The following GRIA2 variants were observed in gnomAD, a reference collection of about 807,000 sequenced individuals.
GRIA2 encodes the protein glutamate receptor 2.
GRIA2 carries 14 observed loss-of-function variants against 97.3 expected under a neutral mutation model. That is an observed-to-expected ratio of 0.14 (90% CI 0.10 to 0.23). GRIA2 has a LOEUF of 0.23. Ranked by LOEUF, GRIA2 falls within the 10% of genes least tolerant of loss-of-function variation. The pLI is 1.00. For missense variants in GRIA2, 558 were observed against 1,069.8 expected (o/e 0.52, Z 6.67); for synonymous variants, 412 against 387.8 (o/e 1.06, Z -0.73).
At chr4:157,339,044 A>G (rs1287043235) in intron 11 of GRIA2, among the ~76,000 whole-genome samples, 1 of 151,978 alleles carries the variant, frequency 6.6e-6, no homozygotes, top group Non-Finnish European at 1.5e-5. Context: ...GTTGTAATCT[A>G]GAGTTATTTA....
At chr4:157,313,139 T>C (rs1734159310) in intron 4 of GRIA2, among the ~76,000 whole-genome samples, 1 of 152,160 alleles carries the variant, frequency 6.6e-6, no homozygotes, top group African/African-American at 2.4e-5. Context: ...TGATAAATGT[T>C]ACCCTAAACT....
At chr4:157,347,501 T>C (rs1735813194) in intron 12 of GRIA2, among the ~76,000 whole-genome samples, 1 of 152,194 alleles carries the variant, frequency 6.6e-6, no homozygotes, top group African/African-American at 2.4e-5. Flanking sequence ...GTTAAAACAA[T>C]ACAGAAGTGA....
At chr4:157,332,757 TG>T in intron 6 of GRIA2, 61 bp from the exon 7 acceptor site, 2 of 1,239,724 alleles carry the variant, frequency 1.6e-6, no homozygotes, top group Non-Finnish European at 2.3e-6. Flanking sequence ...TCTTGATTGC[TG>T]GGGTGCAGTG....
intron 10 of GRIA2, 32 bp downstream of exon 10, chr4:157,335,909 T>C: frequency 7.2e-7 from 1 of 1,386,196 alleles, no homozygotes; most frequent in Non-Finnish European, 1.0e-6. Flanking sequence ...GATAAAGTCA[T>C]TCAATTTGAA....
At chr4:157,294,824 C>A (rs1369819160) in intron 2 of GRIA2, among the ~76,000 whole-genome samples, 3 of 152,084 alleles carry the variant, frequency 2.0e-5, no homozygotes, top group Non-Finnish European at 4.4e-5. Flanking sequence ...CAGCCTGGCA[C>A]TCTTTATCCA....
At chr4:157,221,606 C>A in intron 1 of GRIA2, 61 bp from the exon 2 acceptor site, 2 of 1,562,052 alleles carry the variant, frequency 1.3e-6, no homozygotes, top group East Asian at 2.3e-5. Flanking sequence ...CTAGCGCGCG[C>A]CCCTCCTTTC....
intron 3 of GRIA2, among the ~76,000 whole-genome samples, chr4:157,307,361 C>CTT: frequency 1.3e-5 from 2 of 152,282 alleles, no homozygotes; most frequent in Middle Eastern, 3.4e-3. Flanking sequence ...ATAGAAACAT[C>CTT]TTTGTATAGC....
At position 157,364,081 on chromosome 4, in the gene GRIA2, A is replaced by G. The variant is rs1467809206; in HGVS notation, c.*650A>G. The G allele has an allele frequency of 6.6e-6, 1 of 152,604 alleles. No homozygotes were observed. Among genetic ancestry groups the G allele is most frequent in the African/African-American group, 2.4e-5 (1 of 41,446 alleles). 9.5% of individuals were successfully genotyped at this position (152,604 alleles called of 1,614,324 possible). ...AAACAATTAAACTGAGTGGGAAGTG[A>G]ATAAAAAAAGGCTTTAGGTATCGAT... is the stretch of plus-strand genomic sequence containing the variant. On this transcript the variant is annotated 3_prime_UTR_variant, in exon 16 of 16. Coordinates refer to ENST00000264426, the MANE Select transcript of GRIA2 (RefSeq NM_001083619.3).
intron 12 of GRIA2, among the ~76,000 whole-genome samples, chr4:157,357,315 T>A (rs1397900813): frequency 6.6e-6 from 1 of 152,156 alleles, no homozygotes; most frequent in Non-Finnish European, 1.5e-5. Flanking sequence ...CTATGAGTTA[T>A]CTTATTTGTC....
At position 157,261,564 on chromosome 4, in the gene GRIA2, G is replaced by T. The variant is rs79681260; in HGVS notation, c.229+39757G>T. On this transcript the variant is annotated intron_variant, in intron 2 of 15. Transcript: ENST00000264426. ...ACTAAACTTATTTAGCTAAGAAATTGCAGAGAAATAATCTAATTCACTGAA... is the reference window on the plus strand; with the variant it reads ...ACTAAACTTATTTAGCTAAGAAATTTCAGAGAAATAATCTAATTCACTGAA... Among the ~76,000 whole-genome samples, 1,199 of 152,196 alleles carry T rather than the reference G, an allele frequency of 7.9e-3. 13 individuals are homozygous for T. Among genetic ancestry groups the T allele is most frequent in the African/African-American group, 0.027 (1,140 of 41,542 alleles).
At chr4:157,279,511 T>C (rs1211774561) in intron 2 of GRIA2, among the ~76,000 whole-genome samples, 2 of 152,100 alleles carry the variant, frequency 1.3e-5, no homozygotes, top group Non-Finnish European at 2.9e-5. Flanking sequence ...TCAATGTAGA[T>C]TCATTAATTG....
intron 2 of GRIA2, among the ~76,000 whole-genome samples, chr4:157,290,679 C>T (rs926063929): frequency 1.3e-5 from 2 of 151,854 alleles, no homozygotes; most frequent in Non-Finnish European, 2.9e-5. Context: ...TGAAGTATGA[C>T]ATATGCCTTA....
intron 2 of GRIA2, among the ~76,000 whole-genome samples, chr4:157,245,496 C>G (rs1208016107): frequency 6.6e-6 from 1 of 151,522 alleles, no homozygotes; most frequent in Non-Finnish European, 1.5e-5. Context: ...GAATTAAGAC[C>G]AGGTTTTTTT....
At chr4:157,360,936 C>A in intron 13 of GRIA2, 74 bp from the exon 14 acceptor site, 1 of 1,114,888 alleles carries the variant, frequency 9.0e-7, no homozygotes, top group Non-Finnish European at 1.3e-6. Context: ...CAAAGAAAAA[C>A]AAATTAAAAC....
intron 2 of GRIA2, among the ~76,000 whole-genome samples, chr4:157,279,807 G>T (rs1297988983): frequency 6.6e-6 from 1 of 152,000 alleles, no homozygotes; most frequent in Non-Finnish European, 1.5e-5. Flanking sequence ...GTTTCTTGTT[G>T]GAATAATCTC....
intron 12 of GRIA2, among the ~76,000 whole-genome samples, chr4:157,352,110 A>G (rs1301662913): frequency 6.6e-6 from 1 of 152,200 alleles, no homozygotes; most frequent in Non-Finnish European, 1.5e-5. Flanking sequence ...TTACTTATAA[A>G]TTATATGTAG....
chr4:157,341,276 G>A lies in GRIA2; in HGVS notation c.1857G>A (p.Gly619=). Reference sequence around the variant, plus strand: ...TACTTGTTATTAGATCCCTCTCTGGGCGCATTGTTGGAGGTGTGTGGTGGT... The same window carrying A: ...TACTTGTTATTAGATCCCTCTCTGGACGCATTGTTGGAGGTGTGTGGTGGT... ...GCDISPRSLS[G]RIVGGVWWFF... Residue 619 remains glycine (G), a synonymous_variant, in exon 12 of 16, where the codon GGG becomes GGA. Coordinates refer to ENST00000264426, the MANE Select transcript of GRIA2 (RefSeq NM_001083619.3). 1 of 1,610,424 alleles carries A rather than the reference G, an allele frequency of 6.2e-7. No homozygotes were observed. The highest frequency in any genetic ancestry group is 8.5e-7 in the Non-Finnish European group (1 of 1,177,150).
At chr4:157,343,420 G>T (rs1199453127) in intron 12 of GRIA2, among the ~76,000 whole-genome samples, 2 of 151,924 alleles carry the variant, frequency 1.3e-5, no homozygotes, top group Admixed American at 1.3e-4. Context: ...TCCTAGCCAG[G>T]GTTCTTTCCA....
chr4:157,309,757 T>C (rs1310949824), intron 3 of GRIA2, among the ~76,000 whole-genome samples: 2 of 152,214 alleles, frequency 1.3e-5, no homozygotes, highest in Non-Finnish European at 2.9e-5. Flanking sequence ...ATTTAAACTT[T>C]CTTATAATAT....
Sources: allele counts gnomAD v4.1 joint callset (sites outside exome capture counted in the v4.1 genomes callset), GRCh38; gene constraint gnomAD v4.1.1; transcripts MANE v1.5; gene names NCBI Gene and HGNC (gene_info 2026-07-23, HGNC 2026-07-21).